DTNA: variants seen among roughly 807,000 people sequenced by gnomAD.
The protein encoded by DTNA is dystrophin-related protein 3.
In DTNA, 43 loss-of-function variants were observed where a neutral mutation model predicts 100.7. The observed-to-expected ratio is 0.43, with a 90% CI of 0.33 to 0.55. DTNA has a LOEUF of 0.55. Ranked by LOEUF, DTNA falls within the 20% of genes least tolerant of loss-of-function variation. The pLI is 0.04. For missense variants in DTNA, 798 were observed against 953.9 expected (o/e 0.84, Z 2.15); for synonymous variants, 349 against 347.9 (o/e 1.00, Z -0.04).
chr18:34,780,909 C>A (rs529674673), intron 3 of DTNA, among the ~76,000 whole-genome samples: 9 of 152,340 alleles, frequency 5.9e-5, no homozygotes, highest in African/African-American at 2.2e-4. Context: ...GGAGAGAGTT[C>A]TAACCTAGCT....
intron 1 of DTNA, among the ~76,000 whole-genome samples, chr18:34,568,243 T>C (rs1004220444): frequency 1.3e-5 from 2 of 152,124 alleles, no homozygotes; most frequent in African/African-American, 4.8e-5. Flanking sequence ...CTCAGCACAA[T>C]GTAGCCTCAA....
At chr18:34,624,912 T>C (rs1016145792) in intron 1 of DTNA, among the ~76,000 whole-genome samples, 4 of 152,148 alleles carry the variant, frequency 2.6e-5, no homozygotes, top group African/African-American at 9.7e-5. Flanking sequence ...CACCGAGGCT[T>C]GAGTGGAATG....
rs1281071710 is a variant in DTNA, at chr18:34,755,992, G to A, written c.16G>A (p.Gly6Arg). The A allele has an allele frequency of 6.2e-7, 1 of 1,613,282 alleles. No homozygotes were observed. The highest frequency in any genetic ancestry group is 1.1e-5 in the South Asian group (1 of 91,052). ...GTCTCATAGAATGATTGAAGATAGT[G>A]GGAAAAGAGGAAATACCATGGCAGA... MIEDS[G>R]KRGNTMAERR... The change falls in exon 2 of 23, where the codon GGG becomes AGG. Residue 6 changes from glycine to arginine, a missense_variant. Around this residue, in one of 6 missense-constraint regions of DTNA, gnomAD observed 197 missense variants for 215.4 expected, o/e 0.91. Transcript: ENST00000444659.
intron 9 of DTNA, among the ~76,000 whole-genome samples, chr18:34,825,090 C>CT (rs111758936): frequency 1.3e-5 from 2 of 151,020 alleles, no homozygotes; most frequent in East Asian, 1.9e-4. Context: ...AGCCAAGGGA[C>CT]TTTTTTTTTC....
chr18:34,516,315 G>A (rs145645338), intron 1 of DTNA, among the ~76,000 whole-genome samples: 8 of 152,162 alleles, frequency 5.3e-5, no homozygotes, highest in African/African-American at 1.9e-4. Context: ...TGCTTCGAGG[G>A]CAATAAAATA....
rs1450700077 is a variant in DTNA, at chr18:34,589,760, A to G, written c.-2+96246A>G. Among the ~76,000 whole-genome samples the G allele has an allele frequency of 4.0e-5, 6 of 151,882 alleles. No individual in the cohort carries two copies. In the East Asian group the frequency reaches 5.8e-4, roughly 15 times the overall value. ...ACTCTCTTTTTGTACCTTTTGATCT[A>G]TATCTTCCCATTTCTGCCTGCTCCT... On this transcript the variant is annotated intron_variant, in intron 1 of 19. Coordinates refer to the DTNA transcript ENST00000283365.
intron 1 of DTNA, among the ~76,000 whole-genome samples, chr18:34,567,047 TTTGCC>T (rs1298362240): frequency 6.6e-6 from 1 of 152,166 alleles, no homozygotes; most frequent in Non-Finnish European, 1.5e-5. Flanking sequence ...TACCATCAAT[TTTGCC>T]TTTTCAATTC....
chr18:34,606,435 A>C (rs184951238), intron 1 of DTNA, among the ~76,000 whole-genome samples: 1 of 152,292 alleles, frequency 6.6e-6, no homozygotes, highest in East Asian at 1.9e-4. Context: ...TTTTATAATC[A>C]TTTCACAACC....
intron 9 of DTNA, chr18:34,825,344 C>T (rs1282596791): frequency 6.3e-7 from 1 of 1,595,778 alleles, no homozygotes; most frequent in Non-Finnish European, 8.6e-7. Context: ...GGGGATGAGA[C>T]ACAAAACAAG....
chr18:34,700,985 C>T (rs567036347), intron 1 of DTNA, among the ~76,000 whole-genome samples: 1 of 152,258 alleles, frequency 6.6e-6, no homozygotes, highest in East Asian at 1.9e-4. Flanking sequence ...CACTCTGTAT[C>T]CTATCTCCTT....
At position 34,722,059 on chromosome 18, in the gene DTNA, A is replaced by T. The variant is rs192527299; in HGVS notation, c.-2+11614A>T. Among the ~76,000 whole-genome samples the T allele has an allele frequency of 2.2e-3, 339 of 152,250 alleles. 1 individual carries two copies. Among genetic ancestry groups the T allele is most frequent in the Non-Finnish European group, 3.2e-3 (220 of 68,022 alleles). On this transcript the variant is annotated intron_variant, in intron 1 of 22. Transcript: ENST00000444659. The stretch of plus-strand genomic sequence containing the variant: ...CCTTATACTCCTTCCTAAAATGTTT[A>T]AAAAAAGTCCAAATTGCAACATTTA...
chr18:34,806,459 C>T (rs1252151662), intron 5 of DTNA, among the ~76,000 whole-genome samples, 155 bp downstream of exon 5: 2 of 152,104 alleles, frequency 1.3e-5, no homozygotes, highest in Admixed American at 1.3e-4. Context: ...TGGATTTTGT[C>T]ATAGCGATAT....
intron 1 of DTNA, among the ~76,000 whole-genome samples, chr18:34,730,019 G>C (rs1467349166): frequency 6.6e-6 from 1 of 152,038 alleles, no homozygotes; most frequent in Admixed American, 6.6e-5. Context: ...TCTCTCCACA[G>C]TTCCAAGGAA....
At chr18:34,859,819 A>C (rs977756098) in intron 16 of DTNA, among the ~76,000 whole-genome samples, 11 of 152,116 alleles carry the variant, frequency 7.2e-5, no homozygotes, top group Non-Finnish European at 1.5e-5. Context: ...CTTGGAAAAG[A>C]AATGTGGTTT....
intron 1 of DTNA, among the ~76,000 whole-genome samples, chr18:34,575,231 A>G (rs58074674): frequency 0.014 from 2,204 of 152,064 alleles, 54 homozygotes; most frequent in African/African-American, 0.049. Flanking sequence ...TTTCTGATAC[A>G]CTCTTGCTTT....
chr18:34,609,282 TCA>T, intron 1 of DTNA, among the ~76,000 whole-genome samples: 1 of 150,266 alleles, frequency 6.7e-6, no homozygotes, highest in African/African-American at 2.5e-5. Flanking sequence ...TCTTGCTCTG[TCA>T]CCCAGGCTGG....
At position 34,679,645 on chromosome 18, in the gene DTNA, T is replaced by C. The variant is rs1483521817; in HGVS notation, c.-1-76331T>C. On this transcript the variant is annotated intron_variant, in intron 1 of 19. Transcript: ENST00000283365. The stretch of plus-strand genomic sequence containing the variant: ...AGATGAATATTGAACTGTTTCTCTT[T>C]AGAGTGCTCCTCTCATTTGCCTGAA... 3 of 152,180 alleles carry C rather than the reference T, an allele frequency of 2.0e-5. No individual in the cohort carries two copies. In the East Asian group the frequency reaches 5.8e-4, roughly 29 times the overall value. The allele number at this position is 152,180 out of a possible 1,614,324, so 9.4% of individuals were successfully genotyped here.
chr18:34,542,260 T>C (rs2044318367), intron 1 of DTNA, among the ~76,000 whole-genome samples: 1 of 152,106 alleles, frequency 6.6e-6, no homozygotes, highest in Non-Finnish European at 1.5e-5. Flanking sequence ...ATAAATTCAC[T>C]TTTATCATTG....
chr18:34,641,678 A>T (rs1289393605), intron 1 of DTNA, among the ~76,000 whole-genome samples: 4 of 152,174 alleles, frequency 2.6e-5, no homozygotes, highest in African/African-American at 9.6e-5. Context: ...TTGCGTCTCA[A>T]ATTGAGGCCC....
Sources: gnomAD v4.1 joint callset for allele counts (sites outside exome capture counted in the v4.1 genomes callset) on GRCh38, gnomAD v4.1.1 for gene constraint, gnomAD v4.1.1 regional missense constraint, MANE v1.5 for transcripts, NCBI Gene and HGNC (gene_info 2026-07-23, HGNC 2026-07-21) for gene names.